The following FBXL17 variants were observed in gnomAD, a reference collection of about 807,000 sequenced individuals.
FBXL17 encodes the protein F-box/LRR-repeat protein 17.
FBXL17 carries 22 observed loss-of-function variants against 66.2 expected under a neutral mutation model. The ratio of observed to expected loss-of-function variants is 0.33; its 90% CI spans 0.24 to 0.47. The LOEUF (loss-of-function observed/expected upper bound fraction) is 0.47. FBXL17 is among the 20% of genes least tolerant of loss of function. FBXL17 has a pLI of 1.00. For missense variants in FBXL17, 878 were observed against 948.2 expected (o/e 0.93, Z 0.97); for synonymous variants, 474 against 400.5 (o/e 1.18, Z -2.19).
In FBXL17 at chr5:108,381,353, G is replaced by A. The variant is rs950105884; in HGVS notation, c.339C>T (p.Ala113=). Residue 113 remains alanine (A), a synonymous_variant, in exon 1 of 9, where the codon GCC becomes GCT. Transcript: ENST00000542267. The stretch of plus-strand genomic sequence containing the variant: ...ATAGCAGGAAGCGGCGGGCAGCAGC[G>A]GCGCAGTCCTCGGCGGCCAGGGCCG... ...RYAALAAEDC[A]AAARRFLLSS... is the part of the protein sequence containing the mutation. 46 of 1,358,378 alleles carry A rather than the reference G, an allele frequency of 3.4e-5. No homozygotes were observed. The Admixed American group carries it at 4.2e-4, about 12-fold the overall frequency. 84.1% of individuals were successfully genotyped at this position (1,358,378 alleles called of 1,614,324 possible). A position where few individuals can be genotyped will look rare whatever the true frequency, so the allele number is the denominator to read the frequency against.
intron 6 of FBXL17, among the ~76,000 whole-genome samples, chr5:108,174,902 A>C (rs1752736601): frequency 6.6e-6 from 1 of 152,154 alleles, no homozygotes; most frequent in South Asian, 2.1e-4. Context: ...GCACTGATTG[A>C]ACATTGGAAT....
At chr5:107,979,637 C>A (rs536727503) in intron 7 of FBXL17, among the ~76,000 whole-genome samples, 1 of 152,300 alleles carries the variant, frequency 6.6e-6, no homozygotes, top group South Asian at 2.1e-4. Context: ...AATGAGGCAG[C>A]AAATGTGGTC....
At chr5:108,320,633 G>C (rs899802735) in intron 4 of FBXL17, among the ~76,000 whole-genome samples, 1 of 151,666 alleles carries the variant, frequency 6.6e-6, no homozygotes, top group Non-Finnish European at 1.5e-5. Context: ...TCTGAGGGAA[G>C]GCTCAACTCT....
intron 8 of FBXL17, among the ~76,000 whole-genome samples, chr5:107,867,078 T>C (rs1004519954): frequency 1.3e-5 from 2 of 152,116 alleles, no homozygotes; most frequent in East Asian, 1.9e-4. Context: ...GTACCAGAAA[T>C]TGTAGAGATA....
At chr5:108,047,100 C>T (rs1363194803) in intron 6 of FBXL17, among the ~76,000 whole-genome samples, 5 of 152,186 alleles carry the variant, frequency 3.3e-5, no homozygotes, top group Admixed American at 1.3e-4. Context: ...ATGAATCCTA[C>T]GCTGGCAACC....
chr5:108,131,714 A>G (rs1329496592), intron 6 of FBXL17, among the ~76,000 whole-genome samples: 2 of 152,160 alleles, frequency 1.3e-5, no homozygotes, highest in Non-Finnish European at 2.9e-5. Context: ...AGTATTTGTT[A>G]TAATTATGAA....
chr5:108,090,509 T>C (rs1749147557), intron 6 of FBXL17, among the ~76,000 whole-genome samples: 1 of 152,218 alleles, frequency 6.6e-6, no homozygotes, highest in Non-Finnish European at 1.5e-5. Flanking sequence ...GTAAATAATT[T>C]AGGCTTTGCA....
chr5:108,226,220 G>A (rs900445144), intron 4 of FBXL17, among the ~76,000 whole-genome samples: 2 of 151,870 alleles, frequency 1.3e-5, no homozygotes, highest in Non-Finnish European at 2.9e-5. Flanking sequence ...GATTTGCCTC[G>A]GACAGTTTCA....
chr5:108,140,773 T>G (rs1751319183), intron 6 of FBXL17, among the ~76,000 whole-genome samples: 1 of 152,124 alleles, frequency 6.6e-6, no homozygotes, highest in Non-Finnish European at 1.5e-5. Flanking sequence ...AAATTCGAGA[T>G]GATTGCTTAT....
intron 5 of FBXL17, among the ~76,000 whole-genome samples, chr5:108,187,092 TAAG>T (rs1175098116): frequency 1.3e-5 from 2 of 152,316 alleles, no homozygotes; most frequent in South Asian, 2.1e-4. Flanking sequence ...AAATGTGGCT[TAAG>T]AAGCAAAAAT....
intron 6 of FBXL17, among the ~76,000 whole-genome samples, chr5:108,058,977 GACTTCATTC>G (rs1371782818): frequency 5.3e-5 from 8 of 152,096 alleles, no homozygotes; most frequent in African/African-American, 1.9e-4. Flanking sequence ...AAAACAGGTA[GACTTCATTC>G]AAATCATTCT....
intron 7 of FBXL17, among the ~76,000 whole-genome samples, chr5:107,968,607 CA>C: frequency 6.6e-6 from 1 of 152,158 alleles, no homozygotes; most frequent in Non-Finnish European, 1.5e-5. Context: ...TGAATCATTA[CA>C]AAAACCTAAT....
At chr5:107,917,258 G>A (rs907862819) in intron 7 of FBXL17, among the ~76,000 whole-genome samples, 5 of 152,100 alleles carry the variant, frequency 3.3e-5, no homozygotes, top group Non-Finnish European at 7.4e-5. Context: ...GATTACTGAG[G>A]GTTTAAAATG....
At chr5:108,342,350 T>G (rs1009638101) in intron 4 of FBXL17, among the ~76,000 whole-genome samples, 1 of 152,188 alleles carries the variant, frequency 6.6e-6, no homozygotes, top group Non-Finnish European at 1.5e-5. Context: ...CACTAAATAC[T>G]AGCTTTCCTC....
At chr5:108,330,641 A>G (rs1214926931) in intron 4 of FBXL17, among the ~76,000 whole-genome samples, 1 of 152,134 alleles carries the variant, frequency 6.6e-6, no homozygotes, top group African/African-American at 2.4e-5. Context: ...GAACAAAAAA[A>G]ACTCCCCTTC....
chr5:108,182,093 T>C (rs1428244999), intron 6 of FBXL17, among the ~76,000 whole-genome samples: 1 of 152,198 alleles, frequency 6.6e-6, no homozygotes, highest in East Asian at 1.9e-4. Context: ...AGGCTCACTA[T>C]TATCATTAAG....
chr5:108,233,869 G>A (rs183043476), intron 4 of FBXL17, among the ~76,000 whole-genome samples: 31 of 152,126 alleles, frequency 2.0e-4, no homozygotes, highest in African/African-American at 7.5e-4. Context: ...AGATACCCAG[G>A]GTGCAAAAGG....
intron 4 of FBXL17, among the ~76,000 whole-genome samples, chr5:108,254,680 G>A (rs1429126505): frequency 6.6e-6 from 1 of 152,136 alleles, no homozygotes; most frequent in Non-Finnish European, 1.5e-5. Context: ...CTAATTTGTA[G>A]AATATTTAAT....
At chr5:107,952,241 T>C (rs1400160910) in intron 7 of FBXL17, among the ~76,000 whole-genome samples, 5 of 152,226 alleles carry the variant, frequency 3.3e-5, no homozygotes, top group Admixed American at 2.6e-4. Context: ...TGTATTCTTC[T>C]GTAATGATCC....
Sources: gnomAD v4.1 joint callset for allele counts (sites outside exome capture counted in the v4.1 genomes callset) on GRCh38, gnomAD v4.1.1 for gene constraint, MANE v1.5 for transcripts, NCBI Gene and HGNC (gene_info 2026-07-23, HGNC 2026-07-21) for gene names.